Variants in BRF1 observed in about 807,000 individuals in gnomAD.
The protein encoded by BRF1 is transcription factor IIIB 90 kDa subunit.
A neutral mutation model predicts 81.7 loss-of-function variants in BRF1; 59 were observed. The observed-to-expected ratio is 0.72, with a 90% CI of 0.59 to 0.90. The LOEUF (loss-of-function observed/expected upper bound fraction) is 0.90, where lower values mean the gene tolerates loss of function less well. BRF1 is among the 40% of genes least tolerant of loss of function. The pLI is 0.00. For synonymous variants in BRF1, 491 were observed against 395.6 expected (o/e 1.24, Z -2.86); for missense variants, 1,050 against 936.3 (o/e 1.12, Z -1.58).
chr14:105,209,300 C>T lies in BRF1; in HGVS notation c.*1251G>A. ...GCCTCAGGCAATTTCTGTTAAGTAA[C>T]AACAGATCTTCCTGCTTTACTAAAT... On this transcript the variant is annotated 3_prime_UTR_variant, in exon 18 of 18. Transcript: ENST00000547530. 3 of 516,346 alleles carry T rather than the reference C, an allele frequency of 5.8e-6. No homozygotes were observed. Among genetic ancestry groups the T allele is most frequent in the Middle Eastern group, 1.0e-3 (2 of 1,918 alleles). 32.0% of individuals were successfully genotyped at this position (516,346 alleles called of 1,614,324 possible). A position where few individuals can be genotyped will look rare whatever the true frequency, so the allele number is the denominator to read the frequency against.
intron 2 of BRF1, among the ~76,000 whole-genome samples, chr14:105,280,295 G>A (rs1468219592): frequency 2.0e-5 from 3 of 152,246 alleles, no homozygotes; most frequent in Non-Finnish European, 4.4e-5. Flanking sequence ...GAGAAAGGAT[G>A]CACAGTGTGC....
chr14:105,298,571 T>C (rs587637248), intron 1 of BRF1, among the ~76,000 whole-genome samples: 1 of 152,314 alleles, frequency 6.6e-6, no homozygotes, highest in East Asian at 1.9e-4. Context: ...ACCACAGATT[T>C]AGGCCAGGTG....
intron 12 of BRF1, 67 bp downstream of exon 12, chr14:105,220,002 C>G: frequency 1.9e-6 from 3 of 1,589,400 alleles, no homozygotes; most frequent in African/African-American, 1.3e-5. Context: ...CCCGACCACT[C>G]AGGGCTCCTT....
At chr14:105,228,323 C>A (rs371949928) in intron 7 of BRF1, 1 of 153,128 alleles carries the variant, frequency 6.5e-6, no homozygotes, top group Admixed American at 6.5e-5. Context: ...GAGGCCAAGA[C>A]GGGCAGATCA....
chr14:105,299,343 G>A (rs1212608293), intron 1 of BRF1, among the ~76,000 whole-genome samples: 1 of 152,076 alleles, frequency 6.6e-6, no homozygotes, highest in East Asian at 1.9e-4. Flanking sequence ...GGCCAAGGCT[G>A]GAGTATCACT....
chr14:105,262,915 G>A (rs960410491), intron 3 of BRF1, among the ~76,000 whole-genome samples: 1 of 151,832 alleles, frequency 6.6e-6, no homozygotes, highest in Non-Finnish European at 1.5e-5. Flanking sequence ...GACCAGCCTG[G>A]ACAACATAGC....
chr14:105,246,007 C>A (rs1194686083), intron 5 of BRF1, among the ~76,000 whole-genome samples: 1 of 152,156 alleles, frequency 6.6e-6, no homozygotes, highest in Non-Finnish European at 1.5e-5. Flanking sequence ...AGACTATGTG[C>A]AAACCATCTA....
At chr14:105,215,121 T>C (rs780362767) in intron 15 of BRF1, among the ~76,000 whole-genome samples, 1 of 152,154 alleles carries the variant, frequency 6.6e-6, no homozygotes, top group Non-Finnish European at 1.5e-5. Context: ...CTGATGGGTT[T>C]CTAAAGCAGG....
chr14:105,280,833 AGGCTG>A (rs2057049030), intron 2 of BRF1, among the ~76,000 whole-genome samples: 1 of 150,850 alleles, frequency 6.6e-6, no homozygotes, highest in Non-Finnish European at 1.5e-5. Flanking sequence ...GTGCAGGTGG[AGGCTG>A]CATGACCCTG....
In BRF1 at chr14:105,217,809, A is replaced by C; in HGVS notation, c.1516-9T>G. ...TTGCAAGACTTCTTGGGCTTGAGGG[A>C]AACAAGCAAGAATGCCTCCCGTGAG... is the stretch of plus-strand genomic sequence containing the variant. On this transcript the variant is annotated splice_polypyrimidine_tract_variant and intron_variant, in intron 14 of 17. Transcript: ENST00000547530. The C allele has an allele frequency of 6.2e-7, 1 of 1,608,094 alleles. No individual in the cohort carries two copies. Among genetic ancestry groups the C allele is most frequent in the Non-Finnish European group, 8.5e-7 (1 of 1,176,594 alleles).
rs587682283 is a variant in BRF1, at chr14:105,229,412, G to GA, written c.695-500dup. ...GGTGGACTGAATCCTGCAGCGCAGG[G>GA]ATGCCGGTACCTGGCCTGCCGGGTA... is the stretch of plus-strand genomic sequence containing the variant. On this transcript the variant is annotated intron_variant, in intron 6 of 17. Coordinates refer to ENST00000547530, the MANE Select transcript of BRF1 (RefSeq NM_001519.4). 3.0e-4 allele frequency among the ~76,000 whole-genome samples: 45 copies of GA among 152,358 alleles called. No homozygotes were observed. The East Asian group carries it at 6.9e-3, about 24-fold the overall frequency.
At chr14:105,246,534 A>G (rs899993862) in intron 5 of BRF1, among the ~76,000 whole-genome samples, 2 of 152,140 alleles carry the variant, frequency 1.3e-5, no homozygotes, top group South Asian at 2.1e-4. Flanking sequence ...CAGTAGCATG[A>G]TCTCAGCTCA....
chr14:105,224,186 T>C (rs1360696111), intron 10 of BRF1, among the ~76,000 whole-genome samples: 9 of 152,200 alleles, frequency 5.9e-5, no homozygotes. Context: ...CTGGCCAACG[T>C]GGCGAAACCC....
chr14:105,288,673 A>G lies in BRF1; in HGVS notation c.185-2297T>C, dbSNP rs587614042. 4.9e-5 allele frequency among the ~76,000 whole-genome samples: 7 copies of G among 141,540 alleles called. No individual in the cohort carries two copies. The South Asian group carries it at 1.6e-3, about 33-fold the overall frequency. 92.9% of individuals were successfully genotyped at this position (141,540 alleles called of 152,430 possible). A position where few individuals can be genotyped will look rare whatever the true frequency, so the allele number is the denominator to read the frequency against. On this transcript the variant is annotated intron_variant, in intron 1 of 17. Coordinates refer to ENST00000547530, the MANE Select transcript of BRF1 (RefSeq NM_001519.4). ...TTTTGAAACAGAGTTTCGCTCTGTC[A>G]CCCAGGCTGGAGTGCAGTGGCGTGA...
At chr14:105,256,232 G>C in intron 4 of BRF1, 1 of 1,539,620 alleles carries the variant, frequency 6.5e-7, no homozygotes, top group Non-Finnish European at 8.7e-7. Context: ...CTTTGTGTAG[G>C]ACAAAAGTTC....
intron 8 of BRF1, 143 bp from the exon 9 acceptor site, chr14:105,226,433 G>T: frequency 6.9e-7 from 1 of 1,443,076 alleles, no homozygotes; most frequent in Non-Finnish European, 9.6e-7. Context: ...ATGGGCCTGT[G>T]TCCCCCATGG....
rs1482923360 is a variant in BRF1 at position 105,215,765 on chromosome 14, ATGCACACACAC to A, written c.1772+1768_1772+1778del. Among the ~76,000 whole-genome samples the A allele has an allele frequency of 9.1e-5, 13 of 142,854 alleles. 1 individual carries two copies. Among genetic ancestry groups the A allele is most frequent in the African/African-American group, 2.7e-4 (10 of 37,524 alleles). The allele number at this position is 142,854 out of a possible 152,430, so 93.7% of individuals were successfully genotyped here. A position where few individuals can be genotyped will look rare whatever the true frequency, so the allele number is the denominator to read the frequency against. On this transcript the variant is annotated intron_variant, in intron 15 of 17. Transcript: ENST00000547530. Reference sequence around the variant, plus strand: ...CATACACAGACACAGGCACATACACATGCACACACACTGCACACACACACATGCACACACAC... The same window carrying A: ...CATACACAGACACAGGCACATACACATGCACACACACACATGCACACACAC...
intron 6 of BRF1, among the ~76,000 whole-genome samples, chr14:105,229,448 T>C (rs1054527814): frequency 6.6e-6 from 1 of 152,228 alleles, no homozygotes; most frequent in Admixed American, 6.5e-5. Context: ...GAGTGGACTC[T>C]GTGGGCACGA....
Position 105,288,250 on chromosome 14 carries a change from C to A in BRF1, c.185-1874G>T, listed in dbSNP as rs587751759. On this transcript the variant is annotated intron_variant, in intron 1 of 17. Transcript: ENST00000547530. ...TGGGTGGATCACGAGGTCAGGAGAT[C>A]GAGACCATCTTGGCGAACATGGTGA... is the stretch of plus-strand genomic sequence containing the variant. 3.7e-4 allele frequency among the ~76,000 whole-genome samples: 56 copies of A among 151,756 alleles called. No individual in the cohort carries two copies. In the Middle Eastern group the frequency reaches 0.01, roughly 28 times the overall value.
Sources: gnomAD v4.1 joint callset for allele counts (sites outside exome capture counted in the v4.1 genomes callset) on GRCh38, gnomAD v4.1.1 for gene constraint, MANE v1.5 for transcripts, NCBI Gene and HGNC (gene_info 2026-07-23, HGNC 2026-07-21) for gene names.